NPSR1: variants seen among roughly 807,000 people sequenced by gnomAD.
The protein encoded by NPSR1 is neuropeptide S receptor.
In NPSR1, 48 loss-of-function variants were observed where a neutral mutation model predicts 46.9. The ratio of observed to expected loss-of-function variants is 1.02; its 90% CI spans 0.81 to 1.30. The LOEUF is 1.30. NPSR1 is among the 50% of genes most tolerant of loss of function. The pLI is 0.00. For missense variants in NPSR1, 450 were observed against 449.5 expected, an observed-to-expected ratio of 1.00 and a Z score of -0.01; for synonymous variants, 176 against 168.1, an observed-to-expected ratio of 1.05 and a Z score of -0.36.
intron 5 of NPSR1, among the ~76,000 whole-genome samples, chr7:34,828,501 C>T (rs1391313496): frequency 1.3e-5 from 2 of 152,330 alleles, no homozygotes; most frequent in East Asian, 3.9e-4. Context: ...CTGAAATGGG[C>T]TCTGCATGTG....
At chr7:34,826,022 T>C (rs1430333607) in intron 4 of NPSR1, among the ~76,000 whole-genome samples, 1 of 152,184 alleles carries the variant, frequency 6.6e-6, no homozygotes, top group Admixed American at 6.5e-5. Flanking sequence ...ATTACTAATT[T>C]TCATGTAATT....
rs1231454347 is a variant in NPSR1 at position 34,873,782 on chromosome 7, A to T, written c.1026-4294A>T. 9.9e-4 allele frequency among the ~76,000 whole-genome samples: 150 copies of T among 151,776 alleles called. 2 individuals carry two copies. Among genetic ancestry groups the T allele is most frequent in the Non-Finnish European group, 1.2e-4 (8 of 68,032 alleles). ...ACATCCAAACCATAACAGAGATGAA[A>T]GCCAAGACAGCTGGACTAGGTGGGG... On this transcript the variant is annotated intron_variant, in intron 8 of 8. Transcript: ENST00000359791.
intron 2 of NPSR1, chr7:34,710,820 AG>A (rs1783244120): frequency 1.9e-6 from 1 of 517,250 alleles, no homozygotes; most frequent in Non-Finnish European, 3.6e-6. Context: ...GAAAAAGCAA[AG>A]GAATTTCACA....
intron 8 of NPSR1, among the ~76,000 whole-genome samples, chr7:34,859,568 G>A (rs1562776309): frequency 6.6e-6 from 1 of 151,786 alleles, no homozygotes; most frequent in East Asian, 1.9e-4. Flanking sequence ...AATCACCAAA[G>A]CTTGGGACTT....
chr7:34,865,760 G>A (rs948955951), intron 8 of NPSR1, among the ~76,000 whole-genome samples: 1 of 151,676 alleles, frequency 6.6e-6, no homozygotes, highest in African/African-American at 2.4e-5. Flanking sequence ...CTTTGGGCAA[G>A]CTTGGGTGAG....
At chr7:34,674,801 T>C (rs1277138214) in intron 1 of NPSR1, among the ~76,000 whole-genome samples, 2 of 152,144 alleles carry the variant, frequency 1.3e-5, no homozygotes, top group Non-Finnish European at 2.9e-5. Flanking sequence ...CATGTTGCCA[T>C]AGAGTCCCTC....
chr7:34,738,034 T>A (rs1471958048), intron 2 of NPSR1, among the ~76,000 whole-genome samples: 1 of 152,218 alleles, frequency 6.6e-6, no homozygotes, highest in Non-Finnish European at 1.5e-5. Context: ...ATTACGGACA[T>A]TTAACAAGTG....
intron 2 of NPSR1, among the ~76,000 whole-genome samples, chr7:34,723,550 T>TAAAC (rs1325417485): frequency 6.7e-6 from 1 of 149,746 alleles, no homozygotes; most frequent in Non-Finnish European, 1.5e-5. Flanking sequence ...AATAAATAAA[T>TAAAC]AAATAAAGAT....
intron 3 of NPSR1, among the ~76,000 whole-genome samples, chr7:34,807,691 A>G (rs540679902): frequency 1.6e-4 from 24 of 152,296 alleles, no homozygotes; most frequent in Middle Eastern, 3.4e-3. Flanking sequence ...AAGTTTTAAA[A>G]TAAGTTATTT....
chr7:34,834,163 G>C (rs1790256713), intron 5 of NPSR1: 1 of 561,808 alleles, frequency 1.8e-6, no homozygotes. Flanking sequence ...AACTTTACCA[G>C]GTCTTAGCCT....
At chr7:34,795,246 T>A (rs910466070) in intron 3 of NPSR1, among the ~76,000 whole-genome samples, 14 of 152,104 alleles carry the variant, frequency 9.2e-5, no homozygotes, top group African/African-American at 2.9e-4. Context: ...TTCAGTAAAC[T>A]AGGAATAGAA....
rs200555119 is a variant in NPSR1, at chr7:34,790,784, TTA to T, written c.384+12227_384+12228del. Among the ~76,000 whole-genome samples, 92 of 127,558 alleles carry T rather than the reference TTA, an allele frequency of 7.2e-4. 5 individuals are homozygous for T. Among genetic ancestry groups the T allele is most frequent in the Non-Finnish European group, 1.0e-3 (63 of 60,970 alleles). 83.7% of individuals were successfully genotyped at this position (127,558 alleles called of 152,430 possible). On this transcript the variant is annotated intron_variant, in intron 3 of 8. Coordinates refer to ENST00000360581, the MANE Select transcript of NPSR1 (RefSeq NM_207172.2). Reference sequence around the variant, plus strand: ...TGTTATATATAATATATGTTATATGTTATATATATGTTATAGGTTATATGTTA... The same window carrying T: ...TGTTATATATAATATATGTTATATGTTATATATGTTATAGGTTATATGTTA...
chr7:34,747,370 G>A (rs1785259649), intron 2 of NPSR1, among the ~76,000 whole-genome samples: 1 of 152,126 alleles, frequency 6.6e-6, no homozygotes, highest in Non-Finnish European at 1.5e-5. Flanking sequence ...TAGGCAGAGA[G>A]CTTGAAACAG....
intron 2 of NPSR1, among the ~76,000 whole-genome samples, chr7:34,690,596 G>T (rs1340607842): frequency 3.9e-5 from 6 of 152,102 alleles, no homozygotes. Context: ...AAAAGTGAAA[G>T]CTTCAACAAT....
intron 2 of NPSR1, among the ~76,000 whole-genome samples, chr7:34,777,830 G>A (rs1255886723): frequency 3.9e-5 from 6 of 152,154 alleles, no homozygotes; most frequent in Admixed American, 6.6e-5. Context: ...CTATAGAATT[G>A]AGTACAGATG....
At chr7:34,832,850 G>A (rs1380748044) in intron 5 of NPSR1, among the ~76,000 whole-genome samples, 1 of 152,172 alleles carries the variant, frequency 6.6e-6, no homozygotes, top group Non-Finnish European at 1.5e-5. Flanking sequence ...ACCTTGCACA[G>A]TATTTCACTT....
intron 4 of NPSR1, among the ~76,000 whole-genome samples, chr7:34,818,538 T>A (rs912550427): frequency 5.3e-5 from 8 of 152,138 alleles, no homozygotes; most frequent in Non-Finnish European, 8.8e-5. Flanking sequence ...AAGCTACCAA[T>A]GACTTTCTTC....
chr7:34,739,577 G>C (rs1784840238), intron 2 of NPSR1, among the ~76,000 whole-genome samples: 1 of 152,066 alleles, frequency 6.6e-6, no homozygotes, highest in Non-Finnish European at 1.5e-5. Flanking sequence ...CCATTTTTTA[G>C]TTGCATGTCC....
intron 2 of NPSR1, among the ~76,000 whole-genome samples, chr7:34,688,689 C>T (rs539737637): frequency 1.3e-5 from 2 of 152,330 alleles, no homozygotes; most frequent in Non-Finnish European, 2.9e-5. Flanking sequence ...AGACATATCA[C>T]CCAACTCGAG....
Sources: gnomAD v4.1 joint callset for allele counts (sites outside exome capture counted in the v4.1 genomes callset) on GRCh38, gnomAD v4.1.1 for gene constraint, MANE v1.5 for transcripts, NCBI Gene and HGNC (gene_info 2026-07-23, HGNC 2026-07-21) for gene names.